The following COL8A1 variants were observed in gnomAD, a reference collection of about 807,000 sequenced individuals.
COL8A1 encodes collagen type VIII alpha 1 chain.
In COL8A1, 21 loss-of-function variants were observed where a neutral mutation model predicts 42.7. The ratio of observed to expected loss-of-function variants is 0.49; its 90% CI spans 0.35 to 0.71. The LOEUF (loss-of-function observed/expected upper bound fraction) is 0.71, where lower values mean the gene tolerates loss of function less well. Ranked by LOEUF, COL8A1 falls within the 30% of genes least tolerant of loss-of-function variation. The pLI, the probability that COL8A1 is intolerant of heterozygous loss-of-function variation, is 0.01. For synonymous variants in COL8A1, 367 were observed against 369.1 expected (o/e 0.99, Z 0.06); for missense variants, 788 against 962.4 (o/e 0.82, Z 2.40).
At chr3:99,642,512 C>A (rs1937521005) in intron 1 of COL8A1, among the ~76,000 whole-genome samples, 1 of 152,178 alleles carries the variant, frequency 6.6e-6, no homozygotes, top group South Asian at 2.1e-4. Flanking sequence ...AAAGCAACAA[C>A]TTTAGCTGAC....
At chr3:99,761,552 G>A (rs1467747369) in intron 2 of COL8A1, among the ~76,000 whole-genome samples, 1 of 152,124 alleles carries the variant, frequency 6.6e-6, no homozygotes, top group Non-Finnish European at 1.5e-5. Context: ...GAATAAATTC[G>A]CAGCCTGTGT....
At chr3:99,776,505 A>G (rs138303933) in intron 2 of COL8A1, among the ~76,000 whole-genome samples, 2 of 152,302 alleles carry the variant, frequency 1.3e-5, no homozygotes, top group African/African-American at 4.8e-5. Flanking sequence ...GGTCATCAAC[A>G]CTGCCCCAAA....
chr3:99,695,234 T>C (rs979129382), intron 1 of COL8A1, among the ~76,000 whole-genome samples: 5 of 152,226 alleles, frequency 3.3e-5, no homozygotes, highest in African/African-American at 1.2e-4. Context: ...AAATAAAAAT[T>C]ACTCAAGAGG....
At position 99,790,913 on chromosome 3, in the gene COL8A1, G is replaced by A; in HGVS notation, c.231G>A (p.Leu77=). 1 of 1,614,132 alleles carries A rather than the reference G, an allele frequency of 6.2e-7. No homozygotes were observed. The change falls in exon 3 of 4, where the codon TTG becomes TTA. Residue 77 remains leucine (L), a synonymous_variant. Coordinates refer to ENST00000652472, the MANE Select transcript of COL8A1 (RefSeq NM_020351.4). The part of the protein sequence containing the change: ...GLAMGKEMPH[L]QYGKEYPHLP... ...CCATGGGCAAGGAGATGCCCCACTT[G>A]CAGTATGGCAAAGAGTATCCACACC...
rs539663959 is a variant in COL8A1 at position 99,674,020 on chromosome 3, A to G, written c.-129+35356A>G. Among the ~76,000 whole-genome samples, 14 of 152,214 alleles carry G rather than the reference A, an allele frequency of 9.2e-5. No individual in the cohort carries two copies. The East Asian group carries it at 2.3e-3, about 25-fold the overall frequency. The stretch of plus-strand genomic sequence containing the variant: ...GAGGTCTTTTTGCACAGACATCTCC[A>G]TAACCTAGCCCAATGATTTCATGAA... On this transcript the variant is annotated intron_variant, in intron 1 of 3. Transcript: ENST00000652472.
chr3:99,704,866 G>A (rs1939636404), intron 1 of COL8A1, among the ~76,000 whole-genome samples: 1 of 152,112 alleles, frequency 6.6e-6, no homozygotes, highest in South Asian at 2.1e-4. Context: ...ATTGATTTGA[G>A]AGAGGAGAGG....
intron 1 of COL8A1, among the ~76,000 whole-genome samples, chr3:99,704,484 C>T (rs1207766788): frequency 6.6e-6 from 1 of 151,722 alleles, no homozygotes; most frequent in African/African-American, 2.4e-5. Context: ...CATATGTATA[C>T]ATGTGCCATG....
At chr3:99,723,003 T>TTG (rs34062497) in intron 1 of COL8A1, among the ~76,000 whole-genome samples, 15,997 of 146,770 alleles carry the variant, frequency 0.11, 851 homozygotes, top group Middle Eastern at 0.12. Flanking sequence ...GAGACCAAAG[T>TTG]TGTGTGTGTG....
At chr3:99,750,126 G>C (rs777993515) in intron 2 of COL8A1, among the ~76,000 whole-genome samples, 8 of 120,894 alleles carry the variant, frequency 6.6e-5, no homozygotes, top group Non-Finnish European at 1.3e-4. Context: ...GCATGATCTT[G>C]GCTTACTGCA....
chr3:99,728,498 C>T (rs886859849), intron 1 of COL8A1, among the ~76,000 whole-genome samples: 4 of 151,998 alleles, frequency 2.6e-5, no homozygotes, highest in Non-Finnish European at 5.9e-5. Context: ...AATGATTTTA[C>T]AGAGCATCAT....
intron 1 of COL8A1, among the ~76,000 whole-genome samples, chr3:99,736,920 A>T (rs1256557210): frequency 6.6e-6 from 1 of 152,176 alleles, no homozygotes. Context: ...GTCCTCCTGT[A>T]TTGGGTGCAT....
chr3:99,659,555 C>T (rs556548327), intron 1 of COL8A1, among the ~76,000 whole-genome samples: 14 of 152,208 alleles, frequency 9.2e-5, no homozygotes, highest in African/African-American at 3.4e-4. Context: ...TTTTAAAGCC[C>T]TAATTTTGTA....
At chr3:99,725,919 G>A (rs1207805798) in intron 1 of COL8A1, among the ~76,000 whole-genome samples, 2 of 151,926 alleles carry the variant, frequency 1.3e-5, no homozygotes, top group African/African-American at 4.8e-5. Context: ...TAATCCTTTG[G>A]GTATATACCC....
chr3:99,643,323 G>T (rs950040795), intron 1 of COL8A1, among the ~76,000 whole-genome samples: 1 of 152,186 alleles, frequency 6.6e-6, no homozygotes, highest in Non-Finnish European at 1.5e-5. Context: ...TCTAGGACAC[G>T]TTGACATAAA....
chr3:99,697,128 A>C (rs950487060), intron 1 of COL8A1, among the ~76,000 whole-genome samples: 1 of 149,690 alleles, frequency 6.7e-6, no homozygotes, highest in Non-Finnish European at 1.5e-5. Context: ...CTGGGACTAC[A>C]GGCGCCCGCC....
chr3:99,692,610 T>C (rs1203816097), intron 1 of COL8A1, among the ~76,000 whole-genome samples: 1 of 152,246 alleles, frequency 6.6e-6, no homozygotes, highest in Non-Finnish European at 1.5e-5. Flanking sequence ...TCAAATGTGT[T>C]CTTCAATTTG....
intron 1 of COL8A1, among the ~76,000 whole-genome samples, chr3:99,659,278 G>A (rs1592276): frequency 0.023 from 3,446 of 152,282 alleles, 70 homozygotes; most frequent in Non-Finnish European, 0.036. Context: ...TGTACGTGGA[G>A]GAGCCAGTGC....
intron 1 of COL8A1, among the ~76,000 whole-genome samples, chr3:99,728,711 G>A (rs1464537951): frequency 6.7e-6 from 1 of 149,804 alleles, no homozygotes; most frequent in Non-Finnish European, 1.5e-5. Context: ...TTAATTAATT[G>A]TATGGTTAAA....
chr3:99,668,060 G>C (rs2061946512), intron 1 of COL8A1, among the ~76,000 whole-genome samples: 1 of 151,968 alleles, frequency 6.6e-6, no homozygotes, highest in South Asian at 2.1e-4. Flanking sequence ...TAAGCATTCA[G>C]TAAAAGGGAA....
Sources: gnomAD v4.1 joint callset for allele counts (sites outside exome capture counted in the v4.1 genomes callset) on GRCh38, gnomAD v4.1.1 for gene constraint, MANE v1.5 for transcripts, NCBI Gene and HGNC (gene_info 2026-07-23, HGNC 2026-07-21) for gene names.